HCRTR1: variants seen among roughly 807,000 people sequenced by gnomAD.
The protein encoded by HCRTR1 is hypocretin receptor 1.
Under a neutral mutation model 40.6 loss-of-function variants are expected in HCRTR1, and 28 were observed. The observed-to-expected ratio is 0.69, with a 90% CI of 0.51 to 0.95. The LOEUF is 0.95. HCRTR1 is among the 40% of genes least tolerant of loss of function. HCRTR1 has a pLI of 0.00. For synonymous variants in HCRTR1, 209 were observed against 230.0 expected, an observed-to-expected ratio of 0.91 and a Z score of 0.83; for missense variants, 482 against 564.7, an observed-to-expected ratio of 0.85 and a Z score of 1.48.
chr1:31,634,023 C>T (rs1339055955), downstream of HCRTR1, among the ~76,000 whole-genome samples: 5 of 151,824 alleles, frequency 3.3e-5, no homozygotes, highest in African/African-American at 1.2e-4. Flanking sequence ...TACCTTAGGA[C>T]ACTGAGTTAA....
chr1:31,622,289 G>A (rs1333896155), intron 6 of HCRTR1, among the ~76,000 whole-genome samples: 2 of 152,118 alleles, frequency 1.3e-5, no homozygotes, highest in East Asian at 1.9e-4. Context: ...TCTGGGCGGT[G>A]AGAAAAGGCA....
downstream of HCRTR1, chr1:31,633,147 G>A: frequency 6.2e-7 from 1 of 1,610,882 alleles, no homozygotes; most frequent in Non-Finnish European, 8.5e-7. Context: ...CAAGGGCAAG[G>A]CGGAGACTCA....
chr1:31,618,008 T>A (rs1639766246), intron 1 of HCRTR1, 127 bp downstream of exon 1: 1 of 152,366 alleles, frequency 6.6e-6, no homozygotes, highest in African/African-American at 2.4e-5. Context: ...CGGCCAGCGC[T>A]GCTCTCCTCT....
chr1:31,633,525 G>A (rs1377340659), downstream of HCRTR1, among the ~76,000 whole-genome samples: 1 of 152,194 alleles, frequency 6.6e-6, no homozygotes, highest in Non-Finnish European at 1.5e-5. Context: ...GAGTCCTCTG[G>A]AGTTCTCGTA....
chr1:31,629,346 G>GAA (rs1640034876), downstream of HCRTR1, among the ~76,000 whole-genome samples: 1 of 152,332 alleles, frequency 6.6e-6, no homozygotes, highest in Admixed American at 6.5e-5. Flanking sequence ...CCATTACCCA[G>GAA]AATAAAGCCC....
Position 31,619,205 on chromosome 1 carries a change from G to T in HCRTR1, c.13G>T (p.Ala5Ser). The stretch of plus-strand genomic sequence containing the variant: ...GGCTCCTGAGCTCATGGAGCCCTCA[G>T]CCACCCCAGGGGCCCAGATGGGGGT... MEPS[A>S]TPGAQMGVPP... The change falls in exon 3 of 9, where the codon GCC becomes TCC. Residue 5 changes from alanine (A) to serine (S), a missense_variant. Physicochemically the swap from Ala to Ser is moderately conservative, Grantham distance 99. Coordinates refer to ENST00000403528, the MANE Select transcript of HCRTR1 (RefSeq NM_001525.3). 1 of 1,611,744 alleles carries T rather than the reference G, an allele frequency of 6.2e-7. No individual in the cohort carries two copies. The highest frequency in any genetic ancestry group is 8.5e-7 in the Non-Finnish European group (1 of 1,179,952).
downstream of HCRTR1, chr1:31,633,410 C>A: frequency 7.7e-7 from 1 of 1,301,734 alleles, no homozygotes; most frequent in East Asian, 2.5e-5. Flanking sequence ...CACGAAGCTT[C>A]ACAAATTCAC....
Position 31,627,485 on chromosome 1 carries a change from C to T in HCRTR1, c.*505C>T, listed in dbSNP as rs1014083859. 4 of 656,712 alleles carry T rather than the reference C, an allele frequency of 6.1e-6. No homozygotes were observed. In the African/African-American group the frequency reaches 7.4e-5, roughly 12 times the overall value. The allele number at this position is 656,712 out of a possible 1,614,324, so 40.7% of individuals were successfully genotyped here. On this transcript the variant is annotated 3_prime_UTR_variant, in exon 9 of 9. Transcript: ENST00000403528. ...GGCCACGAGCACAGCCCCACCCTAA[C>T]CAGGTGCCAAGGGCACACACCACAG...
At chr1:31,624,237 T>G (rs543578905) in intron 7 of HCRTR1, among the ~76,000 whole-genome samples, 1 of 152,006 alleles carries the variant, frequency 6.6e-6, no homozygotes, top group African/African-American at 2.4e-5. Context: ...GGAGGGAGGA[T>G]CGCTTGAGGC....
rs1331772315 is a variant in HCRTR1 at position 31,623,517 on chromosome 1, G to GCC, written c.739-6_739-5insCC. The GCC allele has an allele frequency of 6.2e-7, 1 of 1,609,902 alleles. No homozygotes were observed. Among genetic ancestry groups the GCC allele is most frequent in the African/African-American group, 1.3e-5 (1 of 74,882 alleles). On this transcript the variant is annotated splice_region_variant and splice_polypyrimidine_tract_variant and intron_variant, in intron 6 of 8. Coordinates refer to ENST00000403528, the MANE Select transcript of HCRTR1 (RefSeq NM_001525.3). ...CACCACTGCTGTCTCTATGTGTGCTGGACAGATCCCCGGCACCACCTCAGC... is the reference window on the plus strand; with the variant it reads ...CACCACTGCTGTCTCTATGTGTGCTGCCGACAGATCCCCGGCACCACCTCAGC...
At chr1:31,618,219 A>G (rs1248810481) in intron 1 of HCRTR1, 7 of 152,228 alleles carry the variant, frequency 4.6e-5, no homozygotes, top group Admixed American at 4.6e-4. Flanking sequence ...AGCCGGGGGA[A>G]GGAGGGGCTG....
chr1:31,624,951 C>T, intron 7 of HCRTR1, 46 bp from the exon 8 acceptor site: 12 of 1,543,376 alleles, frequency 7.8e-6, no homozygotes, highest in Non-Finnish European at 1.1e-5. Context: ...CCAGTACATG[C>T]ATACGCAGCT....
rs140964906 is a variant in HCRTR1, at chr1:31,625,920, T to C, written c.1087+802T>C. Among the ~76,000 whole-genome samples the C allele has an allele frequency of 5.3e-5, 8 of 152,322 alleles. No individual in the cohort carries two copies. Among genetic ancestry groups the C allele is most frequent in the African/African-American group, 7.2e-5 (3 of 41,564 alleles). ...TCAGGAGTCAATAGTATAACCCTCA[T>C]TGAGACTCAAGAATTACTCAACAAG... On this transcript the variant is annotated intron_variant, in intron 8 of 8. Coordinates refer to ENST00000403528, the MANE Select transcript of HCRTR1 (RefSeq NM_001525.3). The surrounding 1 kb of genome is among the most constrained non-coding windows in gnomAD (Gnocchi z 4.2).
Position 31,627,205 on chromosome 1 carries a change from T to C in HCRTR1, c.*225T>C, listed in dbSNP as rs1446884304. 6.7e-7 allele frequency: 1 copy of C among 1,494,154 alleles called. No homozygotes were observed. Among genetic ancestry groups the C allele is most frequent in the Non-Finnish European group, 8.9e-7 (1 of 1,119,896 alleles). The allele number at this position is 1,494,154 out of a possible 1,614,324, so 92.6% of individuals were successfully genotyped here. On this transcript the variant is annotated 3_prime_UTR_variant, in exon 9 of 9. Transcript: ENST00000403528. ...GCTCCTTGTAAACTGTGAAGTGTTG[T>C]GGACATGATTATTGTTGTACTTCTC...
At position 31,627,216 on chromosome 1, in the gene HCRTR1, ATTG is replaced by A. The variant is rs1639998616; in HGVS notation, c.*241_*243del. 2.0e-6 allele frequency: 3 copies of A among 1,499,064 alleles called. No individual in the cohort carries two copies. The highest frequency in any genetic ancestry group is 2.7e-6 in the Non-Finnish European group (3 of 1,123,344). 92.9% of individuals were successfully genotyped at this position (1,499,064 alleles called of 1,614,324 possible). A position where few individuals can be genotyped will look rare whatever the true frequency, so the allele number is the denominator to read the frequency against. On this transcript the variant is annotated 3_prime_UTR_variant, in exon 9 of 9. Transcript: ENST00000403528. ...ACTGTGAAGTGTTGTGGACATGATT[ATTG>A]TTGTACTTCTCTCATTTGGCCATAC... is the stretch of plus-strand genomic sequence containing the variant.
chr1:31,630,469 A>G, downstream of HCRTR1: 2 of 874,262 alleles, frequency 2.3e-6, no homozygotes, highest in South Asian at 3.3e-5. Flanking sequence ...AGGACTCTCC[A>G]CCCTCTTTTG....
At chr1:31,630,929 A>C, downstream of HCRTR1, 10 of 1,147,724 alleles carry the variant, frequency 8.7e-6, no homozygotes, top group Non-Finnish European at 1.3e-5. Flanking sequence ...ACAACAGTTC[A>C]AGGAACTTCG....
downstream of HCRTR1, among the ~76,000 whole-genome samples, chr1:31,628,218 A>G (rs1456658987): frequency 2.0e-5 from 3 of 152,244 alleles, no homozygotes; most frequent in Admixed American, 6.5e-5. Flanking sequence ...TCAACCGTCA[A>G]GAACGTGGGC....
Position 31,621,547 on chromosome 1 carries a change from G to A in HCRTR1, c.693G>A (p.Met231Ile). Reference protein sequence around the residue: ...IVTYLAPLGLMAMAYFQIFRK... With the variant: ...IVTYLAPLGLIAMAYFQIFRK... ...CCTACCTGGCCCCACTGGGCCTCAT[G>A]GCCATGGCCTATTTCCAGATATTCC... The change falls in exon 6 of 9, where the codon ATG (methionine) becomes ATA (isoleucine). Residue 231 changes from methionine to isoleucine, a missense_variant. By Grantham distance (10) the Met-to-Ile change is conservative. Coordinates refer to ENST00000403528, the MANE Select transcript of HCRTR1 (RefSeq NM_001525.3). 2 of 1,614,024 alleles carry A rather than the reference G, an allele frequency of 1.2e-6. No homozygotes were observed. Among genetic ancestry groups the A allele is most frequent in the Non-Finnish European group, 1.7e-6 (2 of 1,180,012 alleles).
Sources: allele counts gnomAD v4.1 joint callset (sites outside exome capture counted in the v4.1 genomes callset), GRCh38; gene constraint gnomAD v4.1.1; non-coding constraint Gnocchi (gnomAD v3.1); transcripts MANE v1.5; gene names NCBI Gene and HGNC (gene_info 2026-07-23, HGNC 2026-07-21).